The following CHD9 variants were observed in gnomAD, a reference collection of about 807,000 sequenced individuals.
CHD9 encodes chromodomain helicase DNA binding protein 9, also known as ATP-dependent chromatin remodeler CHD9.
CHD9 carries 77 observed loss-of-function variants against 316.1 expected under a neutral mutation model. The observed-to-expected ratio is 0.24, with a 90% CI of 0.20 to 0.29. CHD9 has a LOEUF of 0.29. CHD9 is among the 10% of genes least tolerant of loss of function. CHD9 has a pLI of 1.00. For missense variants in CHD9, 2,763 were observed against 3,438.1 expected, an observed-to-expected ratio of 0.80 and a Z score of 4.91; for synonymous variants, 1,129 against 1,158.3, an observed-to-expected ratio of 0.97 and a Z score of 0.51.
chr16:53,214,295 A>T (rs1031778177), intron 3 of CHD9, among the ~76,000 whole-genome samples: 1 of 152,134 alleles, frequency 6.6e-6, no homozygotes. Flanking sequence ...AAAATAAGAC[A>T]TATCATTAGA....
chr16:53,170,552 C>T (rs1044333699), intron 2 of CHD9, among the ~76,000 whole-genome samples: 50 of 149,334 alleles, frequency 3.3e-4, no homozygotes, highest in African/African-American at 1.2e-3. Flanking sequence ...TAAAATGCAT[C>T]GTGCAGTACT....
intron 3 of CHD9, among the ~76,000 whole-genome samples, chr16:53,213,021 A>G (rs1361306822): frequency 6.6e-6 from 1 of 152,196 alleles, no homozygotes; most frequent in African/African-American, 2.4e-5. Context: ...CTTCAAGCCC[A>G]CACTCATTCA....
intron 1 of CHD9, among the ~76,000 whole-genome samples, chr16:53,113,306 A>G (rs1235375302): frequency 6.6e-6 from 1 of 151,918 alleles, no homozygotes; most frequent in Admixed American, 6.6e-5. Flanking sequence ...CCTGGACTAC[A>G]ACTCAGATAT....
intron 3 of CHD9, among the ~76,000 whole-genome samples, chr16:53,221,654 TA>T (rs750552025): frequency 2.0e-5 from 3 of 152,138 alleles, no homozygotes; most frequent in South Asian, 4.1e-4. Context: ...TAAATATCAA[TA>T]TATATATAAA....
intron 2 of CHD9, among the ~76,000 whole-genome samples, chr16:53,158,725 C>T (rs1299920249): frequency 2.0e-5 from 3 of 151,992 alleles, no homozygotes; most frequent in African/African-American, 7.2e-5. Context: ...CAGCCTCAAC[C>T]TCCCTGGGCT....
At chr16:53,115,240 G>A (rs2038202204) in intron 1 of CHD9, among the ~76,000 whole-genome samples, 1 of 152,132 alleles carries the variant, frequency 6.6e-6, no homozygotes, top group Non-Finnish European at 1.5e-5. Context: ...ACCTAAGAAG[G>A]ACTCACCCAG....
At chr16:53,144,710 G>A (rs1224533738) in intron 1 of CHD9, among the ~76,000 whole-genome samples, 1 of 152,042 alleles carries the variant, frequency 6.6e-6, no homozygotes, top group African/African-American at 2.4e-5. Flanking sequence ...ATTTTTAGTA[G>A]AGACGGGGTT....
chr16:53,161,698 A>G (rs981531969), intron 2 of CHD9, among the ~76,000 whole-genome samples: 2 of 152,216 alleles, frequency 1.3e-5, no homozygotes, highest in African/African-American at 2.4e-5. Flanking sequence ...TTAGAATTCT[A>G]GAACGCTTTA....
At chr16:53,086,873 AGTATCTTACTATCAAAT>A (rs2035508138) in intron 1 of CHD9, among the ~76,000 whole-genome samples, 1 of 152,134 alleles carries the variant, frequency 6.6e-6, no homozygotes, top group African/African-American at 2.4e-5. Context: ...ATTCTATTAT[AGTATCTTACTATCAAAT>A]GTATACAGCT....
chr16:53,062,844 A>G (rs569430120), intron 1 of CHD9, among the ~76,000 whole-genome samples: 9 of 152,306 alleles, frequency 5.9e-5, no homozygotes, highest in African/African-American at 2.2e-4. Flanking sequence ...CAGCCTGACC[A>G]ACATGGAGAA....
At chr16:53,299,663 G>T in intron 30 of CHD9, 1 of 353,974 alleles carries the variant, frequency 2.8e-6, no homozygotes. Context: ...AGAAGATCGA[G>T]GGCCTCCATG....
intron 1 of CHD9, among the ~76,000 whole-genome samples, chr16:53,063,308 G>C (rs2033128447): frequency 6.6e-6 from 1 of 150,756 alleles, no homozygotes; most frequent in Non-Finnish European, 1.5e-5. Flanking sequence ...AGGTGGTCCT[G>C]CTCCAGATTT....
chr16:53,158,213 T>C (rs571067071), intron 2 of CHD9, among the ~76,000 whole-genome samples: 2 of 152,238 alleles, frequency 1.3e-5, no homozygotes, highest in African/African-American at 4.8e-5. Context: ...ATATAAAAAT[T>C]CTCCATTTTA....
At chr16:53,175,722 G>A (rs764509062) in intron 2 of CHD9, among the ~76,000 whole-genome samples, 5 of 152,192 alleles carry the variant, frequency 3.3e-5, no homozygotes, top group African/African-American at 7.2e-5. Flanking sequence ...GAACTGACAA[G>A]TTTTCCTTTG....
Position 53,304,013 on chromosome 16 carries a change from C to G in CHD9, c.6007C>G (p.Gln2003Glu), listed in dbSNP as rs781019391. The change falls in exon 31 of 39, where the codon CAA becomes GAA. Residue 2003 changes from glutamine (Q) to glutamate (E), a missense_variant. By Grantham distance (29) the Gln-to-Glu change is conservative. Coordinates refer to ENST00000447540, the MANE Select transcript of CHD9 (RefSeq NM_001308319.2). ...SFMAAQRNYS[Q>E]SKMAHSRTST... is the part of the protein sequence containing the mutation. ...TATGGCAGCTCAGAGGAACTACAGT[C>G]AAAGTAAGATGGCTCATTCAAGGAC... is the stretch of plus-strand genomic sequence containing the variant. 6.4e-5 allele frequency: 104 copies of G among 1,613,862 alleles called. 1 individual carries two copies. The South Asian group carries it at 1.1e-3, about 17-fold the overall frequency.
At chr16:53,259,219 G>A (rs1045553245) in intron 19 of CHD9, among the ~76,000 whole-genome samples, 8 of 152,104 alleles carry the variant, frequency 5.3e-5, no homozygotes, top group East Asian at 1.9e-4. Flanking sequence ...GTTAGCAAAA[G>A]CCTCTTGAAT....
chr16:53,273,574 T>C (rs115201343), intron 22 of CHD9, 52 bp from the exon 23 acceptor site: 1 of 1,393,538 alleles, frequency 7.2e-7, no homozygotes, highest in African/African-American at 1.5e-5. Flanking sequence ...ATCTTTCAGA[T>C]TGCAAATTTT....
At chr16:53,123,497 CATT>C (rs199538310) in intron 1 of CHD9, among the ~76,000 whole-genome samples, 63 of 151,598 alleles carry the variant, frequency 4.2e-4, no homozygotes, top group East Asian at 2.1e-3. Flanking sequence ...TTTTAATTTT[CATT>C]ATTATTATTA....
chr16:53,317,994 C>T (rs896158224), intron 36 of CHD9, among the ~76,000 whole-genome samples: 1 of 151,962 alleles, frequency 6.6e-6, no homozygotes, highest in African/African-American at 2.4e-5. Context: ...GATGTGAAGG[C>T]TCCAGTGAGC....
Sources: allele counts gnomAD v4.1 joint callset (sites outside exome capture counted in the v4.1 genomes callset), GRCh38; gene constraint gnomAD v4.1.1; transcripts MANE v1.5; gene names NCBI Gene and HGNC (gene_info 2026-07-23, HGNC 2026-07-21).